Variants in GALNTL6 observed in about 807,000 individuals in gnomAD.
GALNTL6 encodes the protein polypeptide N-acetylgalactosaminyltransferase like 6, also known as polypeptide N-acetylgalactosaminyltransferase-like 6.
GALNTL6 carries 46 observed loss-of-function variants against 73.7 expected under a neutral mutation model. That is an observed-to-expected ratio of 0.62 (90% CI 0.49 to 0.80). The LOEUF is 0.80. Among genes scored for constraint, GALNTL6 ranks in the 30% least tolerant of loss-of-function variants. GALNTL6 has a pLI of 0.00. For synonymous variants in GALNTL6, 259 were observed against 263.7 expected, an observed-to-expected ratio of 0.98 and a Z score of 0.17; for missense variants, 604 against 755.0, an observed-to-expected ratio of 0.80 and a Z score of 2.34.
intron 2 of GALNTL6, among the ~76,000 whole-genome samples, chr4:172,049,014 A>G (rs1176854007): frequency 6.6e-6 from 1 of 152,180 alleles, no homozygotes; most frequent in Non-Finnish European, 1.5e-5. Flanking sequence ...CTCCAGCAGT[A>G]ACGCAATTTG....
At chr4:172,642,191 A>G (rs1740018105) in intron 5 of GALNTL6, among the ~76,000 whole-genome samples, 1 of 152,026 alleles carries the variant, frequency 6.6e-6, no homozygotes, top group Admixed American at 6.6e-5. Context: ...ATTTTTAAAA[A>G]AAACTATCAT....
At chr4:173,011,157 T>C (rs971750669) in intron 11 of GALNTL6, among the ~76,000 whole-genome samples, 1 of 152,234 alleles carries the variant, frequency 6.6e-6, no homozygotes, top group Admixed American at 6.5e-5. Flanking sequence ...GTATGTCTTC[T>C]TTTGAGAAAT....
chr4:172,451,992 CAG>C (rs1732231058), intron 5 of GALNTL6, among the ~76,000 whole-genome samples: 1 of 152,108 alleles, frequency 6.6e-6, no homozygotes, highest in Non-Finnish European at 1.5e-5. Context: ...GCCTGAGTGA[CAG>C]AGTAAGACTC....
At chr4:173,010,753 C>G (rs778364200) in intron 11 of GALNTL6, among the ~76,000 whole-genome samples, 5 of 150,190 alleles carry the variant, frequency 3.3e-5, no homozygotes, top group African/African-American at 5.0e-5. Context: ...CACCACCATG[C>G]CCAGCTAATT....
intron 2 of GALNTL6, among the ~76,000 whole-genome samples, chr4:172,210,947 A>G (rs890079568): frequency 6.6e-6 from 1 of 152,086 alleles, no homozygotes; most frequent in African/African-American, 2.4e-5. Flanking sequence ...TTCTTGTTCA[A>G]ATTCCAGATT....
chr4:172,712,366 T>C (rs569193897), intron 5 of GALNTL6, among the ~76,000 whole-genome samples: 1 of 152,158 alleles, frequency 6.6e-6, no homozygotes, highest in Non-Finnish European at 1.5e-5. Flanking sequence ...TATGTATACA[T>C]GTGCCATGTT....
In GALNTL6 at chr4:172,079,396, C is replaced by T. The variant is rs577799165; in HGVS notation, c.139-150260C>T. On this transcript the variant is annotated intron_variant, in intron 2 of 12. Transcript: ENST00000506823. The stretch of plus-strand genomic sequence containing the variant: ...TTTGTAGGTTATTTTAGATACTTTA[C>T]TATTATATATAATGCCTTTATGTAT... Among the ~76,000 whole-genome samples the T allele has an allele frequency of 8.3e-4, 126 of 152,154 alleles. 1 individual carries two copies. Among genetic ancestry groups the T allele is most frequent in the African/African-American group, 2.9e-3 (122 of 41,548 alleles).
intron 2 of GALNTL6, among the ~76,000 whole-genome samples, chr4:171,931,399 T>G (rs1219429507): frequency 3.3e-5 from 5 of 152,202 alleles, no homozygotes; most frequent in Non-Finnish European, 7.3e-5. Context: ...CTGAGCACCC[T>G]TGATTGCAGA....
At chr4:171,977,554 T>C (rs1739757953) in intron 2 of GALNTL6, among the ~76,000 whole-genome samples, 1 of 152,128 alleles carries the variant, frequency 6.6e-6, no homozygotes, top group Non-Finnish European at 1.5e-5. Flanking sequence ...GCCTGTCCTC[T>C]TCCTATAAGG....
At position 172,271,959 on chromosome 4, in the gene GALNTL6, A is replaced by ATT. The variant is rs58309766; in HGVS notation, c.248-39647_248-39646dup. 9.8e-4 allele frequency among the ~76,000 whole-genome samples: 143 copies of ATT among 146,648 alleles called. 2 individuals are homozygous for ATT. The highest frequency in any genetic ancestry group is 3.7e-3 in the African/African-American group (140 of 37,662). ...GGCCATCATAAATATATATATATAT[A>ATT]TTTTTTTTTATGAGATGGAGTCTCA... On this transcript the variant is annotated intron_variant, in intron 3 of 12. Transcript: ENST00000506823.
rs549269085 is a variant in GALNTL6 at position 172,761,651 on chromosome 4, G to A, written c.554-47710G>A. 3.6e-5 allele frequency among the ~76,000 whole-genome samples: 5 copies of A among 140,834 alleles called. No homozygotes were observed. The East Asian group carries it at 1.1e-3, about 30-fold the overall frequency. The allele number at this position is 140,834 out of a possible 152,430, so 92.4% of individuals were successfully genotyped here. ...GATCTGATGGTTTAAAAGTGTGAGA[G>A]CTTCGCCCTTGCTCTCTTTCTCTCT... On this transcript the variant is annotated intron_variant, in intron 5 of 12. Transcript: ENST00000506823.
intron 5 of GALNTL6, among the ~76,000 whole-genome samples, chr4:172,375,654 G>A (rs1042957204): frequency 1.3e-5 from 2 of 152,200 alleles, no homozygotes; most frequent in African/African-American, 4.8e-5. Context: ...CACTGACGCA[G>A]CAGCAGAAAC....
In GALNTL6 at chr4:172,204,170, A is replaced by G. The variant is rs549948866; in HGVS notation, c.139-25486A>G. On this transcript the variant is annotated intron_variant, in intron 2 of 12. Transcript: ENST00000506823. ...TGTGAAGTTTACTAGGTTGTTTGCTATATATAATGAAAGATGTTTGTACTA... is the reference window on the plus strand; with the variant it reads ...TGTGAAGTTTACTAGGTTGTTTGCTGTATATAATGAAAGATGTTTGTACTA... Among the ~76,000 whole-genome samples, 62 of 152,338 alleles carry G rather than the reference A, an allele frequency of 4.1e-4. No homozygotes were observed. In the South Asian group the frequency reaches 0.013, roughly 32 times the overall value.
chr4:172,545,476 C>T (rs1735712686), intron 5 of GALNTL6, among the ~76,000 whole-genome samples: 1 of 152,164 alleles, frequency 6.6e-6, no homozygotes, highest in African/African-American at 2.4e-5. Flanking sequence ...GATTAACCAC[C>T]GTGGTTCTGT....
intron 7 of GALNTL6, among the ~76,000 whole-genome samples, chr4:172,864,709 GA>G (rs1489618195): frequency 2.0e-5 from 3 of 152,130 alleles, no homozygotes; most frequent in African/African-American, 7.2e-5. Flanking sequence ...TAATCTATTA[GA>G]AATCTCAAAG....
chr4:172,414,039 A>G (rs952596979), intron 5 of GALNTL6, among the ~76,000 whole-genome samples: 9 of 152,160 alleles, frequency 5.9e-5, no homozygotes, highest in Non-Finnish European at 1.2e-4. Flanking sequence ...TTGTTAATTT[A>G]TAGGGCATGT....
chr4:172,854,333 G>A lies in GALNTL6; in HGVS notation c.924-28457G>A, dbSNP rs1744011238. On this transcript the variant is annotated intron_variant, in intron 7 of 12. Transcript: ENST00000506823. ...TTTAAGCTCTTTCAGCACAGAAAAT[G>A]TCTACTGTATTTTTGTATATGTCAT... Among the ~76,000 whole-genome samples the A allele has an allele frequency of 2.0e-5, 3 of 152,108 alleles. No homozygotes were observed. The South Asian group carries it at 6.2e-4, about 32-fold the overall frequency.
At position 172,487,271 on chromosome 4, in the gene GALNTL6, CCT is replaced by C. The variant is rs1491100559; in HGVS notation, c.553+138585_553+138586del. On this transcript the variant is annotated intron_variant, in intron 5 of 12. Coordinates refer to ENST00000506823, the MANE Select transcript of GALNTL6 (RefSeq NM_001034845.3). ...TCTTTCTTCCTTCCTTCCTTCCTTT[CCT>C]CTTTCTTTCTTTCCTTCTTTCCTTC... Among the ~76,000 whole-genome samples the C allele has an allele frequency of 1.0e-4, 13 of 125,206 alleles. No individual in the cohort carries two copies. The East Asian group carries it at 1.1e-3, about 10-fold the overall frequency. 82.1% of individuals were successfully genotyped at this position (125,206 alleles called of 152,430 possible). A position where few individuals can be genotyped will look rare whatever the true frequency, so the allele number is the denominator to read the frequency against.
chr4:172,914,877 C>A (rs1322932226), intron 8 of GALNTL6, among the ~76,000 whole-genome samples: 2 of 152,182 alleles, frequency 1.3e-5, no homozygotes, highest in East Asian at 3.8e-4. Context: ...AGGACTTGAA[C>A]ACAGCTCTGC....
Sources: gnomAD v4.1 joint callset for allele counts (sites outside exome capture counted in the v4.1 genomes callset) on GRCh38, gnomAD v4.1.1 for gene constraint, MANE v1.5 for transcripts, NCBI Gene and HGNC (gene_info 2026-07-23, HGNC 2026-07-21) for gene names.